Variants in ANK3 observed in about 807,000 individuals in gnomAD.
ANK3 encodes the protein ankyrin 3.
In ANK3, 57 loss-of-function variants were observed where a neutral mutation model predicts 370.9. The ratio of observed to expected loss-of-function variants is 0.15; its 90% confidence interval spans 0.12 to 0.19. ANK3 has a LOEUF of 0.19. Among genes scored for constraint, ANK3 ranks in the 10% least tolerant of loss-of-function variants. The pLI, the probability that ANK3 is intolerant of heterozygous loss-of-function variation, is 1.00. For missense variants in ANK3, 4,439 were observed against 5,302.1 expected, an observed-to-expected ratio of 0.84 and a Z score of 5.06; for synonymous variants, 1,929 against 1,946.3, an observed-to-expected ratio of 0.99 and a Z score of 0.23.
chr10:60,138,733 G>GA (rs34953408), intron 24 of ANK3: 8,339 of 506,668 alleles, frequency 0.016, 16 homozygotes, highest in Non-Finnish European at 0.021. Flanking sequence ...TGCAAAGTGG[G>GA]AAAAAAAAAA....
In ANK3 at chr10:60,088,048, CA is replaced by C. The variant is rs1425541486; in HGVS notation, c.3540+98del. On this transcript the variant is annotated intron_variant, in intron 29 of 43. Transcript: ENST00000280772. ...ATGATTCCCCAAACGGCCTAATTAG[CA>C]GTATCATTAGGATGTTAGAATAACT... 6.7e-6 allele frequency: 6 copies of C among 901,770 alleles called. No individual in the cohort carries two copies. The East Asian group carries it at 1.2e-4, about 18-fold the overall frequency. The allele number at this position is 901,770 out of a possible 1,614,324, so 55.9% of individuals were successfully genotyped here. A position where few individuals can be genotyped will look rare whatever the true frequency, so the allele number is the denominator to read the frequency against.
chr10:60,179,680 T>G (rs2096087829), intron 18 of ANK3, among the ~76,000 whole-genome samples: 1 of 131,766 alleles, frequency 7.6e-6, no homozygotes, highest in African/African-American at 3.1e-5. Flanking sequence ...GACTCCCTCT[T>G]GGAGGAAAAA....
chr10:60,455,458 C>A (rs568197248), intron 2 of ANK3, among the ~76,000 whole-genome samples: 1 of 152,146 alleles, frequency 6.6e-6, no homozygotes, highest in African/African-American at 2.4e-5. Context: ...CAAATAATAA[C>A]GCACTAGGGG....
chr10:60,345,604 C>T (rs964770431), intron 1 of ANK3, among the ~76,000 whole-genome samples: 1 of 152,106 alleles, frequency 6.6e-6, no homozygotes, highest in Non-Finnish European at 1.5e-5. Flanking sequence ...ACTATGTTAG[C>T]CTTTTAGAAA....
intron 1 of ANK3, among the ~76,000 whole-genome samples, chr10:60,324,657 T>G (rs1456311462): frequency 6.6e-6 from 1 of 152,170 alleles, no homozygotes; most frequent in Non-Finnish European, 1.5e-5. Flanking sequence ...GTAAGTCTCC[T>G]AATTTTTTTT....
chr10:60,417,783 GA>G (rs987069963), intron 2 of ANK3, among the ~76,000 whole-genome samples: 1 of 152,126 alleles, frequency 6.6e-6, no homozygotes, highest in African/African-American at 2.4e-5. Flanking sequence ...GGAACATTAA[GA>G]AAATGGGTAC....
chr10:60,704,603 C>T (rs1447800408), intron 1 of ANK3, among the ~76,000 whole-genome samples: 1 of 152,116 alleles, frequency 6.6e-6, no homozygotes, highest in East Asian at 1.9e-4. Flanking sequence ...ATAACGTTGT[C>T]CTCCTGACCT....
chr10:60,672,368 G>A (rs1180385889), intron 1 of ANK3, among the ~76,000 whole-genome samples: 1 of 152,210 alleles, frequency 6.6e-6, no homozygotes, highest in Non-Finnish European at 1.5e-5. Flanking sequence ...GCCATGATTA[G>A]AAGCTTGGAA....
chr10:60,615,203 A>C (rs1357207300), exon 2 of ANK3: 1 of 1,519,746 alleles, frequency 6.6e-7, no homozygotes, highest in Admixed American at 2.1e-5. Context: ...GAGCTTCGTG[A>C]ATAATCTGAT....
intron 2 of ANK3, among the ~76,000 whole-genome samples, chr10:60,437,231 T>C (rs2064181142): frequency 6.6e-6 from 1 of 152,138 alleles, no homozygotes; most frequent in Admixed American, 6.5e-5. Context: ...CCTAGAGGAC[T>C]CAGCGCTGGC....
chr10:60,557,420 A>G (rs185907699), intron 2 of ANK3, among the ~76,000 whole-genome samples: 1 of 152,304 alleles, frequency 6.6e-6, no homozygotes, highest in Non-Finnish European at 1.5e-5. Flanking sequence ...CATATGGAAC[A>G]TCAAGAATGG....
rs1366097837 is a variant in ANK3, at chr10:60,085,160, G to C, written c.3842C>G (p.Ala1281Gly). 6.2e-7 allele frequency: 1 copy of C among 1,607,782 alleles called. No homozygotes were observed. ...TTGGAATCCTTTATTTCCATACCTG[G>C]CTGAAACATTGGTTGTAAAGGAGAC... ...DCVSFTTNVSARFWLADCHQV... is the reference protein window; with the variant it reads ...DCVSFTTNVSGRFWLADCHQV... The change falls in exon 31 of 44, where the codon GCC becomes GGC. Residue 1281 changes from alanine to glycine, a missense_variant. Ala to Gly is a moderately conservative substitution (Grantham distance 60). This residue lies in a region of ANK3 where 702 missense variants were observed against 941.5 expected (regional missense o/e 0.75). Coordinates refer to ENST00000280772, the MANE Select transcript of ANK3 (RefSeq NM_020987.5).
intron 2 of ANK3, among the ~76,000 whole-genome samples, chr10:60,565,850 C>T (rs1036474292): frequency 3.9e-5 from 6 of 152,148 alleles, no homozygotes; most frequent in African/African-American, 1.4e-4. Flanking sequence ...AGCCTGAATT[C>T]AGCTTTATTT....
At position 60,367,841 on chromosome 10, in the gene ANK3, C is replaced by T. The variant is rs115092829; in HGVS notation, c.114+21584G>A. 4.4e-3 allele frequency among the ~76,000 whole-genome samples: 668 copies of T among 152,266 alleles called. 4 individuals carry two copies. The highest frequency in any genetic ancestry group is 0.016 in the African/African-American group (644 of 41,530). The stretch of plus-strand genomic sequence containing the variant: ...TGAAAGCACTGATGAGGATAACCAT[C>T]GCTTTCAGAAATTAAATATTATAAT... On this transcript the variant is annotated intron_variant, in intron 1 of 43. Transcript: ENST00000280772.
At chr10:60,623,416 T>C (rs528367910) in intron 1 of ANK3, among the ~76,000 whole-genome samples, 82 of 152,198 alleles carry the variant, frequency 5.4e-4, no homozygotes, top group African/African-American at 1.9e-3. Flanking sequence ...GGTTGGAGTT[T>C]GAATGGGCAA....
Position 60,072,955 on chromosome 10 carries a change from G to A in ANK3, c.7926C>T (p.Ser2642=). ...GTCTTGCCTTAACCCACTCATCATT[G>A]GATGCCAGCAGTTCTGTCAGTAGCA... ...EKVLLTELLA[S]NDEWVKARQH... is the part of the protein sequence containing the mutation. Residue 2642 remains serine, a synonymous_variant, in exon 37 of 44, where the codon TCC becomes TCT. Transcript: ENST00000280772. The A allele has an allele frequency of 6.2e-7, 1 of 1,614,040 alleles. No homozygotes were observed. The highest frequency in any genetic ancestry group is 2.2e-5 in the East Asian group (1 of 44,858).
chr10:60,131,973 A>C (rs1464928081), intron 25 of ANK3, among the ~76,000 whole-genome samples: 6 of 152,080 alleles, frequency 3.9e-5, no homozygotes, highest in Non-Finnish European at 7.4e-5. Flanking sequence ...GTCTCCTTTC[A>C]CCTGTGATTT....
chr10:60,608,128 C>T (rs1482528538), intron 2 of ANK3, among the ~76,000 whole-genome samples: 1 of 152,154 alleles, frequency 6.6e-6, no homozygotes, highest in African/African-American at 2.4e-5. Context: ...CCTCTGCTCC[C>T]CCATCCATAA....
chr10:60,238,393 G>A (rs1024476312), intron 7 of ANK3, among the ~76,000 whole-genome samples: 1 of 152,144 alleles, frequency 6.6e-6, no homozygotes, highest in Non-Finnish European at 1.5e-5. Context: ...TCTGTACAAA[G>A]AGCCTTCAAA....
Sources: gnomAD v4.1 joint callset for allele counts (sites outside exome capture counted in the v4.1 genomes callset) on GRCh38, gnomAD v4.1.1 for gene constraint, gnomAD v4.1.1 regional missense constraint, MANE v1.5 for transcripts, NCBI Gene and HGNC (gene_info 2026-07-23, HGNC 2026-07-21) for gene names.